Variants in RAPGEF5 observed in about 807,000 individuals in gnomAD.
RAPGEF5 encodes the protein M-Ras-regulated GEF.
RAPGEF5 carries 65 observed loss-of-function variants against 125.2 expected under a neutral mutation model. That is an observed-to-expected ratio of 0.52 (90% CI 0.43 to 0.64). RAPGEF5 has a LOEUF of 0.64. Among genes scored for constraint, RAPGEF5 ranks in the 30% least tolerant of loss-of-function variants. The probability of loss-of-function intolerance (pLI) is 0.00; values close to 1 mark genes in which losing one functional copy is unlikely to be tolerated. For synonymous variants in RAPGEF5, 391 were observed against 385.9 expected (o/e 1.01, Z -0.16); for missense variants, 958 against 1,048.1 (o/e 0.91, Z 1.19).
chr7:22,241,958 C>T (rs552225766), intron 7 of RAPGEF5, among the ~76,000 whole-genome samples: 5 of 152,074 alleles, frequency 3.3e-5, no homozygotes, highest in Non-Finnish European at 7.3e-5. Flanking sequence ...TTCTCTCCTG[C>T]GATGCTAAGT....
intron 11 of RAPGEF5, among the ~76,000 whole-genome samples, chr7:22,183,036 G>A (rs1213954621): frequency 1.3e-5 from 2 of 152,092 alleles, no homozygotes; most frequent in Admixed American, 6.5e-5. Flanking sequence ...ATTTTGGGAG[G>A]ATGAGGCAGG....
rs547641892 is a variant in RAPGEF5 at position 22,252,326 on chromosome 7, C to A, written c.796+14638G>T. Among the ~76,000 whole-genome samples, 315 of 152,324 alleles carry A rather than the reference C, an allele frequency of 2.1e-3. 2 individuals are homozygous for A. The highest frequency in any genetic ancestry group is 7.1e-3 in the African/African-American group (295 of 41,574). On this transcript the variant is annotated intron_variant, in intron 7 of 25. Transcript: ENST00000665637. ...AGGATCAAATTCCCTACAATAGGAA[C>A]AAGCTTCCACTTACAGCAATTCAAT...
chr7:22,229,255 G>C (rs1296795421), intron 8 of RAPGEF5, among the ~76,000 whole-genome samples: 1 of 152,202 alleles, frequency 6.6e-6, no homozygotes, highest in Non-Finnish European at 1.5e-5. Context: ...CAACATATGA[G>C]AGATCTCTGG....
At chr7:22,133,234 G>GT (rs1228219279) in intron 23 of RAPGEF5, among the ~76,000 whole-genome samples, 1 of 152,186 alleles carries the variant, frequency 6.6e-6, no homozygotes, top group African/African-American at 2.4e-5. Flanking sequence ...CAGGGAAGGT[G>GT]TCAAGGGTGC....
At chr7:22,228,975 C>G (rs909995472) in intron 8 of RAPGEF5, among the ~76,000 whole-genome samples, 13 of 152,050 alleles carry the variant, frequency 8.5e-5, no homozygotes, top group African/African-American at 3.1e-4. Flanking sequence ...AACCTCAGGA[C>G]AAGCTTATAA....
At chr7:22,220,707 T>C (rs1196907439) in intron 8 of RAPGEF5, among the ~76,000 whole-genome samples, 1 of 135,774 alleles carries the variant, frequency 7.4e-6, no homozygotes, top group Non-Finnish European at 1.6e-5. Flanking sequence ...ATCTAAGACT[T>C]TGAAATAGGA....
chr7:22,338,624 T>A (rs1784068657), intron 1 of RAPGEF5, among the ~76,000 whole-genome samples: 1 of 152,230 alleles, frequency 6.6e-6, no homozygotes. Flanking sequence ...CCTGGGAGGA[T>A]GACACTTTGT....
chr7:22,221,741 C>T (rs1785795178), intron 8 of RAPGEF5, among the ~76,000 whole-genome samples: 1 of 152,166 alleles, frequency 6.6e-6, no homozygotes, highest in Non-Finnish European at 1.5e-5. Flanking sequence ...TAAGGCCTCT[C>T]CAGCCATGCT....
intron 1 of RAPGEF5, among the ~76,000 whole-genome samples, chr7:22,324,376 G>C (rs1161582944): frequency 6.6e-6 from 1 of 152,156 alleles, no homozygotes; most frequent in Non-Finnish European, 1.5e-5. Context: ...ACAATTAAAG[G>C]CATTATGTGA....
chr7:22,281,185 G>T (rs145738525), intron 6 of RAPGEF5, among the ~76,000 whole-genome samples: 1 of 152,188 alleles, frequency 6.6e-6, no homozygotes, highest in Admixed American at 6.6e-5. Context: ...ATTCTTATCC[G>T]TAATACAAGG....
rs531889800 is a variant in RAPGEF5 at position 22,247,750 on chromosome 7, A to G, written c.797-16831T>C. Among the ~76,000 whole-genome samples, 24 of 81,706 alleles carry G rather than the reference A, an allele frequency of 2.9e-4. No homozygotes were observed. In the South Asian group the frequency reaches 6.6e-3, roughly 22 times the overall value. 53.6% of individuals were successfully genotyped at this position (81,706 alleles called of 152,430 possible). A position where few individuals can be genotyped will look rare whatever the true frequency, so the allele number is the denominator to read the frequency against. On this transcript the variant is annotated intron_variant, in intron 7 of 25. Transcript: ENST00000665637. ...GAGACCCATTAATGGTGGACTGGAT[A>G]AAAAAAAAAATGGTACATATATACC...
chr7:22,316,676 T>C (rs1437346456), intron 2 of RAPGEF5, among the ~76,000 whole-genome samples: 2 of 150,876 alleles, frequency 1.3e-5, no homozygotes, highest in Non-Finnish European at 3.0e-5. Context: ...TTTTGTTTTT[T>C]TTTGTAGAGA....
intron 1 of RAPGEF5, among the ~76,000 whole-genome samples, chr7:22,341,174 A>G (rs182933619): frequency 3.9e-4 from 59 of 152,358 alleles, no homozygotes; most frequent in Non-Finnish European, 7.2e-4. Context: ...AGGCCTCAGA[A>G]TCATGGCAGA....
chr7:22,129,197 T>A (rs2128099000), intron 24 of RAPGEF5, among the ~76,000 whole-genome samples: 1 of 152,174 alleles, frequency 6.6e-6, no homozygotes, highest in East Asian at 1.9e-4. Flanking sequence ...TGGCACTATC[T>A]GAGGGGGAAA....
At chr7:22,193,136 C>A in intron 11 of RAPGEF5, 2 of 568,038 alleles carry the variant, frequency 3.5e-6, no homozygotes, top group Non-Finnish European at 3.1e-6. Context: ...GAACAGCTGC[C>A]TTCATATCAT....
intron 1 of RAPGEF5, among the ~76,000 whole-genome samples, chr7:22,340,954 C>T (rs1784116507): frequency 6.6e-6 from 1 of 152,190 alleles, no homozygotes; most frequent in Admixed American, 6.5e-5. Context: ...TGAACTTGTG[C>T]CACACTGAGT....
intron 20 of RAPGEF5, among the ~76,000 whole-genome samples, chr7:22,142,094 G>A (rs995057094): frequency 5.3e-5 from 8 of 152,284 alleles, no homozygotes; most frequent in Non-Finnish European, 1.2e-4. Flanking sequence ...CTCCTCTGTA[G>A]AGGCTCTTGT....
chr7:22,180,742 A>C (rs1186699500), intron 11 of RAPGEF5, among the ~76,000 whole-genome samples: 1 of 152,170 alleles, frequency 6.6e-6, no homozygotes, highest in African/African-American at 2.4e-5. Flanking sequence ...TCAATTATCA[A>C]AAGTAGGAAA....
chr7:22,326,479 T>C (rs1384440630), intron 1 of RAPGEF5, among the ~76,000 whole-genome samples: 2 of 152,182 alleles, frequency 1.3e-5, no homozygotes, highest in African/African-American at 2.4e-5. Flanking sequence ...ATCTGGACCT[T>C]TACAGAAAAG....
Sources: allele counts gnomAD v4.1 joint callset (sites outside exome capture counted in the v4.1 genomes callset), GRCh38; gene constraint gnomAD v4.1.1; transcripts MANE v1.5; gene names NCBI Gene and HGNC (gene_info 2026-07-23, HGNC 2026-07-21).